The following ARB2A variants were observed in gnomAD, a reference collection of about 807,000 sequenced individuals.
ARB2A encodes ARB2 cotranscriptional regulator A.
the ARB2A span, among the ~76,000 whole-genome samples, chr5:93,666,127 T>G: frequency 1.3e-5 from 2 of 152,188 alleles, no homozygotes; most frequent in African/African-American, 4.8e-5. Flanking sequence ...TCAAAACAGG[T>G]AGTGTCATAC....
the ARB2A span, among the ~76,000 whole-genome samples, chr5:93,759,152 G>C: frequency 6.6e-6 from 1 of 152,040 alleles, no homozygotes; most frequent in African/African-American, 2.4e-5. Flanking sequence ...ACCTAGAAGA[G>C]ACAGAAAAAT....
chr5:93,819,252 A>G, the ARB2A span, among the ~76,000 whole-genome samples: 1 of 151,860 alleles, frequency 6.6e-6, no homozygotes, highest in African/African-American at 2.4e-5. Context: ...GATATTTAAG[A>G]CTACTCATGT....
the ARB2A span, chr5:93,740,783 G>A: frequency 5.6e-6 from 9 of 1,612,266 alleles, no homozygotes; most frequent in Non-Finnish European, 7.6e-6. Flanking sequence ...ATCTTGCTGC[G>A]GTTATAGAAC....
chr5:93,748,450 A>T, the ARB2A span, among the ~76,000 whole-genome samples: 4 of 152,108 alleles, frequency 2.6e-5, no homozygotes, highest in African/African-American at 9.7e-5. Flanking sequence ...CTAGAATTAG[A>T]ACTTAGATAC....
chr5:93,678,131 T>C, the ARB2A span, among the ~76,000 whole-genome samples: 2 of 152,360 alleles, frequency 1.3e-5, no homozygotes, highest in South Asian at 4.1e-4. Flanking sequence ...ATGGCTCTAA[T>C]ATGGCACCAA....
the ARB2A span, among the ~76,000 whole-genome samples, chr5:93,986,881 A>C: frequency 2.0e-5 from 3 of 152,160 alleles, no homozygotes; most frequent in South Asian, 6.2e-4. Context: ...ACACTGCAGA[A>C]GGCCGCAGGG....
At chr5:93,906,548 A>AGTGTCAC in the ARB2A span, among the ~76,000 whole-genome samples, 1 of 151,586 alleles carries the variant, frequency 6.6e-6, no homozygotes, top group African/African-American at 2.4e-5. Context: ...ACAAATATTG[A>AGTGTCAC]GTGTCACAAA....
the ARB2A span, among the ~76,000 whole-genome samples, chr5:93,798,158 A>T: frequency 6.6e-6 from 1 of 152,088 alleles, no homozygotes; most frequent in Admixed American, 6.6e-5. Context: ...CTGATTCCTT[A>T]CCCACTTCCA....
At chr5:93,639,445 CTTT>C in the ARB2A span, among the ~76,000 whole-genome samples, 2 of 143,640 alleles carry the variant, frequency 1.4e-5, no homozygotes, top group Non-Finnish European at 1.5e-5. Flanking sequence ...CTCTGAATGT[CTTT>C]TTTTTTTTTT....
chr5:94,041,223 G>A, the ARB2A span, among the ~76,000 whole-genome samples: 1 of 151,626 alleles, frequency 6.6e-6, no homozygotes, highest in Non-Finnish European at 1.5e-5. Flanking sequence ...AGTGAATCTA[G>A]TGTGCTTTGT....
At chr5:93,685,597 T>TA in the ARB2A span, among the ~76,000 whole-genome samples, 1 of 152,198 alleles carries the variant, frequency 6.6e-6, no homozygotes, top group Non-Finnish European at 1.5e-5. Flanking sequence ...TGAGTGGTTC[T>TA]AAAAAATCTT....
At chr5:93,830,305 G>GTGTGTGTGTA in the ARB2A span, among the ~76,000 whole-genome samples, 8 of 40,874 alleles carry the variant, frequency 2.0e-4, no homozygotes, top group East Asian at 1.3e-3. Context: ...ATATATGTGT[G>GTGTGTGTGTA]TGTGTGTATA....
At chr5:93,788,168 A>C in the ARB2A span, among the ~76,000 whole-genome samples, 1 of 152,180 alleles carries the variant, frequency 6.6e-6, no homozygotes, top group African/African-American at 2.4e-5. Context: ...ATGCAAGTTC[A>C]TATTACTATT....
At chr5:93,906,024 TTAAAA>T in the ARB2A span, among the ~76,000 whole-genome samples, 1 of 151,542 alleles carries the variant, frequency 6.6e-6, no homozygotes, top group Non-Finnish European at 1.5e-5. Flanking sequence ...ATTATTTACA[TTAAAA>T]TAAACTAGTA....
the ARB2A span, among the ~76,000 whole-genome samples, chr5:93,920,491 G>A: frequency 6.6e-6 from 1 of 152,012 alleles, no homozygotes; most frequent in Non-Finnish European, 1.5e-5. Flanking sequence ...GGGGACTTGT[G>A]ACAATTTCAG....
the ARB2A span, among the ~76,000 whole-genome samples, chr5:93,963,023 A>T: frequency 7.2e-5 from 11 of 152,190 alleles, no homozygotes; most frequent in African/African-American, 2.6e-4. Context: ...CTAGAACTAG[A>T]AGTATTATAG....
chr5:94,074,826 G>T, the ARB2A span: 1 of 1,152,880 alleles, frequency 8.7e-7, no homozygotes, highest in Non-Finnish European at 1.3e-6. Context: ...TATTCCACGA[G>T]AACTTCCTTG....
At chr5:93,630,853 G>A in the ARB2A span, among the ~76,000 whole-genome samples, 3 of 152,146 alleles carry the variant, frequency 2.0e-5, no homozygotes, top group South Asian at 4.1e-4. Context: ...TGAGAGAATC[G>A]TTTGAGCCCA....
At chr5:93,717,530 A>G in the ARB2A span, among the ~76,000 whole-genome samples, 1 of 151,928 alleles carries the variant, frequency 6.6e-6, no homozygotes, top group Non-Finnish European at 1.5e-5. Context: ...AAAGTGCAAC[A>G]ATACACATAC....
Sources: allele counts gnomAD v4.1 joint callset (sites outside exome capture counted in the v4.1 genomes callset), GRCh38; gene constraint gnomAD v4.1.1; transcripts MANE v1.5; gene names NCBI Gene and HGNC (gene_info 2026-07-23, HGNC 2026-07-21).